Variants in DYNC2H1 observed in about 807,000 individuals in gnomAD.
DYNC2H1 encodes the protein cytoplasmic dynein 2 heavy chain 1.
A neutral mutation model predicts 570.0 loss-of-function variants in DYNC2H1; 410 were observed. The observed-to-expected ratio is 0.72, with a 90% CI of 0.66 to 0.78. The LOEUF is 0.78. Ranked by LOEUF, DYNC2H1 falls within the 30% of genes least tolerant of loss-of-function variation. The pLI is 0.00. For synonymous variants in DYNC2H1, 1,688 were observed against 1,677.6 expected (o/e 1.01, Z -0.15); for missense variants, 4,865 against 5,046.4 (o/e 0.96, Z 1.09).
chr11:103,453,393 T>C (rs1237682678), intron 85 of DYNC2H1, among the ~76,000 whole-genome samples: 1 of 152,018 alleles, frequency 6.6e-6, no homozygotes, highest in Non-Finnish European at 1.5e-5. Context: ...TTCTGCACTG[T>C]GACGTTTGCT....
At chr11:103,383,045 C>T (rs535895789) in intron 83 of DYNC2H1, among the ~76,000 whole-genome samples, 4 of 152,120 alleles carry the variant, frequency 2.6e-5, no homozygotes, top group East Asian at 1.9e-4. Context: ...AAAGACCCCT[C>T]GGAGCCAGAC....
At position 103,334,600 on chromosome 11, in the gene DYNC2H1, C is replaced by CTATATCGGT. The variant is rs1939017459; in HGVS notation, c.12039+10610_12039+10611insTATATCGGT. On this transcript the variant is annotated intron_variant, in intron 82 of 88. Coordinates refer to ENST00000375735, the MANE Select transcript of DYNC2H1 (RefSeq NM_001377.3). This position sits in a 1 kb window ranked among gnomAD's most constrained non-coding sequence, Gnocchi z 4.3. ...TTCAGTATTGGTATCTAATATGTAA[C>CTATATCGGT]ATCAATATAAATAACATATAAATAC... Among the ~76,000 whole-genome samples, 1 of 151,762 alleles carries CTATATCGGT rather than the reference C, an allele frequency of 6.6e-6. No homozygotes were observed. The highest frequency in any genetic ancestry group is 1.5e-5 in the Non-Finnish European group (1 of 67,916).
intron 78 of DYNC2H1, among the ~76,000 whole-genome samples, chr11:103,308,312 T>G (rs913319523): frequency 6.6e-6 from 1 of 152,218 alleles, no homozygotes; most frequent in African/African-American, 2.4e-5. Flanking sequence ...TCAAGGTTCA[T>G]CCATGTTTTA....
chr11:103,288,684 T>TAAAAAAAAAAAAAAGAAAAAAAAAAAAA lies in DYNC2H1; in HGVS notation c.11095+1093_11095+1094insGAAAAAAAAAAAAAAAAAAAAAAAAAAA, dbSNP rs1866450594. Among the ~76,000 whole-genome samples, 20 of 27,894 alleles carry TAAAAAAAAAAAAAAGAAAAAAAAAAAAA rather than the reference T, an allele frequency of 7.2e-4. 1 individual carries two copies. Among genetic ancestry groups the TAAAAAAAAAAAAAAGAAAAAAAAAAAAA allele is most frequent in the Admixed American group, 3.2e-3 (5 of 1,552 alleles). 18.3% of individuals were successfully genotyped at this position (27,894 alleles called of 152,430 possible). ...CTACATGGTGAAACCCCGTCTCTAC[T>TAAAAAAAAAAAAAAGAAAAAAAAAAAAA]AAAAAAAAAAAAAAAAAAAAAAAAA... On this transcript the variant is annotated intron_variant, in intron 75 of 88. Coordinates refer to ENST00000375735, the MANE Select transcript of DYNC2H1 (RefSeq NM_001377.3).
chr11:103,130,441 A>T (rs1371711333), intron 13 of DYNC2H1, among the ~76,000 whole-genome samples: 1 of 152,138 alleles, frequency 6.6e-6, no homozygotes, highest in Non-Finnish European at 1.5e-5. Context: ...TAGAAGTTAC[A>T]TCATTCATAT....
intron 83 of DYNC2H1, among the ~76,000 whole-genome samples, chr11:103,392,515 G>A (rs566892355): frequency 7.2e-5 from 11 of 152,268 alleles, no homozygotes; most frequent in Admixed American, 1.3e-4. Flanking sequence ...CCGACAATCC[G>A]CAGTGAGATG....
At chr11:103,135,037 AG>A (rs1213746683) in intron 15 of DYNC2H1, among the ~76,000 whole-genome samples, 2 of 152,160 alleles carry the variant, frequency 1.3e-5, no homozygotes, top group African/African-American at 4.8e-5. Context: ...GAAGCAAAAA[AG>A]TATGTAAATT....
intron 12 of DYNC2H1, among the ~76,000 whole-genome samples, chr11:103,125,846 A>G (rs931911237): frequency 6.6e-6 from 1 of 152,206 alleles, no homozygotes; most frequent in African/African-American, 2.4e-5. Flanking sequence ...ACTGTACCCT[A>G]TGCTTCAGTA....
At chr11:103,365,081 C>G (rs950228502) in intron 83 of DYNC2H1, among the ~76,000 whole-genome samples, 1 of 151,914 alleles carries the variant, frequency 6.6e-6, no homozygotes, top group Non-Finnish European at 1.5e-5. Context: ...GCATTGGTGC[C>G]CAGGTGCGGT....
At chr11:103,307,540 T>C (rs1179036562) in intron 77 of DYNC2H1, among the ~76,000 whole-genome samples, 181 bp from the exon 78 acceptor site, 2 of 152,130 alleles carry the variant, frequency 1.3e-5, no homozygotes, top group Non-Finnish European at 2.9e-5. Context: ...GAGATTCTTA[T>C]TCATTACACT....
At chr11:103,279,444 C>T (rs1274059521) in intron 70 of DYNC2H1, among the ~76,000 whole-genome samples, 1 of 152,140 alleles carries the variant, frequency 6.6e-6, no homozygotes, top group Non-Finnish European at 1.5e-5. Flanking sequence ...TTATTGAATT[C>T]ACTTCCTACA....
chr11:103,328,613 C>T (rs1938615218), intron 82 of DYNC2H1, among the ~76,000 whole-genome samples: 1 of 152,118 alleles, frequency 6.6e-6, no homozygotes, highest in South Asian at 2.1e-4. Context: ...AGTTGTATAA[C>T]CAATTTTGTA....
Position 103,259,932 on chromosome 11 carries a change from AT to A in DYNC2H1, c.10652del (p.Leu3551TyrfsTer19). ...AGAGAATCCAGTCACTTATCAGCTC[AT>A]TACAACATATGGTATATGAATATAT... ...EQRIQSLISSLQHMVYEYICR... is the reference protein window; with the variant it reads ...EQRIQSLISSXQHMVYEYICR... On this transcript the variant is annotated frameshift_variant, in exon 70 of 89. Transcript: ENST00000375735. LOFTEE classifies it high-confidence loss of function. 1 of 1,540,304 alleles carries A rather than the reference AT, an allele frequency of 6.5e-7. No individual in the cohort carries two copies. Among genetic ancestry groups the A allele is most frequent in the Non-Finnish European group, 8.8e-7 (1 of 1,140,542 alleles).
intron 82 of DYNC2H1, among the ~76,000 whole-genome samples, chr11:103,352,790 A>G (rs753440892): frequency 5.3e-5 from 8 of 152,226 alleles, no homozygotes; most frequent in Admixed American, 1.3e-4. Flanking sequence ...TAGCAATCCC[A>G]TAACTGGGTA....
chr11:103,138,948 G>A lies in DYNC2H1; in HGVS notation c.2574+3000G>A, dbSNP rs1212594631. Among the ~76,000 whole-genome samples the A allele has an allele frequency of 2.0e-5, 3 of 151,884 alleles. No individual in the cohort carries two copies. In the East Asian group the frequency reaches 5.8e-4, roughly 29 times the overall value. ...CTTCCTGGTTTAGTCTTGGGAGGGT[G>A]TATGTGTCGAGGAATTTATCCATTT... On this transcript the variant is annotated intron_variant, in intron 17 of 88. Transcript: ENST00000375735.
chr11:103,400,493 A>G (rs1035160329), intron 84 of DYNC2H1, among the ~76,000 whole-genome samples: 7 of 152,182 alleles, frequency 4.6e-5, no homozygotes, highest in Non-Finnish European at 1.0e-4. Context: ...GAAAAATTGG[A>G]CCATTTTAAA....
chr11:103,150,934 G>GAGCC (rs1860501772), intron 20 of DYNC2H1, among the ~76,000 whole-genome samples: 1 of 152,214 alleles, frequency 6.6e-6, no homozygotes, highest in Admixed American at 6.5e-5. Flanking sequence ...ATCTTCATGT[G>GAGCC]AGCCATATCA....
At chr11:103,437,646 A>T (rs973853720) in intron 85 of DYNC2H1, among the ~76,000 whole-genome samples, 4 of 152,160 alleles carry the variant, frequency 2.6e-5, no homozygotes, top group African/African-American at 7.2e-5. Context: ...AAATGCTGGA[A>T]GGAAGAAAGG....
intron 82 of DYNC2H1, among the ~76,000 whole-genome samples, chr11:103,331,778 G>A (rs1194080951): frequency 2.6e-5 from 4 of 152,040 alleles, no homozygotes; most frequent in African/African-American, 7.2e-5. Context: ...AAGTTCTGAT[G>A]AGGCCAGGCG....
Sources: allele counts gnomAD v4.1 joint callset (sites outside exome capture counted in the v4.1 genomes callset), GRCh38; gene constraint gnomAD v4.1.1; non-coding constraint Gnocchi (gnomAD v3.1); transcripts MANE v1.5; gene names NCBI Gene and HGNC (gene_info 2026-07-23, HGNC 2026-07-21).